Variants in GFRA3 observed in about 807,000 individuals in gnomAD.
GFRA3 encodes the protein GDNF family receptor alpha-3.
GFRA3 carries 24 observed loss-of-function variants against 40.0 expected under a neutral mutation model. The ratio of observed to expected loss-of-function variants is 0.60; its 90% CI spans 0.43 to 0.84. GFRA3 has a LOEUF of 0.84. GFRA3 is among the 40% of genes least tolerant of loss of function. GFRA3 has a pLI of 0.00. For missense variants in GFRA3, 405 were observed against 530.6 expected, an observed-to-expected ratio of 0.76 and a Z score of 2.33; for synonymous variants, 203 against 213.5, an observed-to-expected ratio of 0.95 and a Z score of 0.43.
rs573622146 is a variant in GFRA3, at chr5:138,264,213, C to T, written c.379+48G>A. ...TCCTGCAGGATTAAAAAACAACCCC[C>T]AAGAGCCATCTTCCCCAGCTTAGTC... is the stretch of plus-strand genomic sequence containing the variant. On this transcript the variant is annotated intron_variant, in intron 2 of 7. Transcript: ENST00000274721. 9.7e-6 allele frequency: 14 copies of T among 1,449,316 alleles called. No individual in the cohort carries two copies. In the South Asian group the frequency reaches 1.8e-4, roughly 19 times the overall value. 89.8% of individuals were successfully genotyped at this position (1,449,316 alleles called of 1,614,324 possible).
At chr5:138,273,200 C>G (rs1255205650) in intron 1 of GFRA3, among the ~76,000 whole-genome samples, 1 of 152,114 alleles carries the variant, frequency 6.6e-6, no homozygotes, top group African/African-American at 2.4e-5. Context: ...TATTTTCCAC[C>G]CCCAAAGCCC....
At position 138,274,408 on chromosome 5, in the gene GFRA3, T is replaced by C; in HGVS notation, c.17A>G (p.Asn6Ser). The C allele has an allele frequency of 7.6e-7, 1 of 1,312,830 alleles. No individual in the cohort carries two copies. The highest frequency in any genetic ancestry group is 9.7e-7 in the Non-Finnish European group (1 of 1,026,252). 81.3% of individuals were successfully genotyped at this position (1,312,830 alleles called of 1,614,324 possible). The stretch of plus-strand genomic sequence containing the variant: ...GACTACGGGCGGCAGCGGTCGCGGG[T>C]TCAGGGGGCGCACCATGGCGAGCTG... The part of the protein sequence containing the change: MVRPL[N>S]PRPLPPVVLM... Residue 6 changes from asparagine (N) to serine (S), a missense_variant, in exon 1 of 8, where the codon AAC (asparagine) becomes AGC (serine). Asn to Ser is a conservative substitution (Grantham distance 46, BLOSUM62 1). Transcript: ENST00000274721.
At chr5:138,259,228 T>C (rs989524297) in intron 3 of GFRA3, among the ~76,000 whole-genome samples, 2 of 152,218 alleles carry the variant, frequency 1.3e-5, no homozygotes, top group African/African-American at 4.8e-5. Context: ...CTGCCTTGAA[T>C]GCAAGTAAAT....
At chr5:138,271,915 G>GTGTGTGTGTA (rs1755879884) in intron 1 of GFRA3, among the ~76,000 whole-genome samples, 1 of 57,516 alleles carries the variant, frequency 1.7e-5, no homozygotes, top group Non-Finnish European at 3.1e-5. Flanking sequence ...TTTTTTTTTT[G>GTGTGTGTGTA]TGTGTGTGTG....
chr5:138,253,910 G>A lies in GFRA3; in HGVS notation c.890-10C>T, dbSNP rs1755588046. 2.5e-6 allele frequency: 4 copies of A among 1,612,446 alleles called. No individual in the cohort carries two copies. Among genetic ancestry groups the A allele is most frequent in the African/African-American group, 2.7e-5 (2 of 74,908 alleles). ...GGGGTCATGGCAGTCCCTGTGAAGA[G>A]GGAAAGGGTAGTCAAGGCCTAGGCT... On this transcript the variant is annotated splice_polypyrimidine_tract_variant and intron_variant, in intron 5 of 7. Transcript: ENST00000274721.
rs141935883 is a variant in GFRA3, at chr5:138,272,642, CA to C, written c.91+1691del. Reference sequence around the variant, plus strand: ...TGGGTGACAGATTGATACCCTGTCTCAAAAAAAAAATCAGATTTCAAATAAA... The same window carrying C: ...TGGGTGACAGATTGATACCCTGTCTCAAAAAAAAATCAGATTTCAAATAAA... On this transcript the variant is annotated intron_variant, in intron 1 of 7. Transcript: ENST00000274721. Among the ~76,000 whole-genome samples, 192 of 148,006 alleles carry C rather than the reference CA, an allele frequency of 1.3e-3. 2 individuals carry two copies. The highest frequency in any genetic ancestry group is 3.1e-3 in the Admixed American group (46 of 14,720).
At position 138,253,894 on chromosome 5, in the gene GFRA3, G is replaced by T; in HGVS notation, c.896C>A (p.Ala299Asp). 6.2e-7 allele frequency: 1 copy of T among 1,613,696 alleles called. No individual in the cohort carries two copies. Among genetic ancestry groups the T allele is most frequent in the Admixed American group, 1.7e-5 (1 of 59,980 alleles). Residue 299 changes from alanine to aspartate, a missense_variant, in exon 6 of 8, where the codon GCC becomes GAC. Transcript: ENST00000274721. ...ATTGCTGACAAAGTTGGGGGTCATGGCAGTCCCTGTGAAGAGGGAAAGGGT... is the reference window on the plus strand; with the variant it reads ...ATTGCTGACAAAGTTGGGGGTCATGTCAGTCCCTGTGAAGAGGGAAAGGGT... ...LRAYLGLIGT[A>D]MTPNFVSNVN...
intron 3 of GFRA3, 45 bp downstream of exon 3, chr5:138,259,512 G>A: frequency 1.2e-6 from 1 of 866,390 alleles, no homozygotes; most frequent in South Asian, 1.3e-5. Context: ...TTCCTCCAGG[G>A]TCCAGCCCCA....
Position 138,256,537 on chromosome 5 carries a change from A to G in GFRA3, c.785+1102T>C, listed in dbSNP as rs1157439672. ...AGAGAGACTCCATCTCAAAAAAAAC[A>G]AACAAAAAAAAACAAACAAAAAAAA... On this transcript the variant is annotated intron_variant, in intron 4 of 7. Transcript: ENST00000274721. Among the ~76,000 whole-genome samples, 6 of 145,096 alleles carry G rather than the reference A, an allele frequency of 4.1e-5. No individual in the cohort carries two copies. The East Asian group carries it at 1.2e-3, about 29-fold the overall frequency.
intron 1 of GFRA3, among the ~76,000 whole-genome samples, chr5:138,269,553 A>G (rs937870656): frequency 6.7e-6 from 1 of 150,370 alleles, no homozygotes; most frequent in Non-Finnish European, 1.5e-5. Context: ...AAAAAAACAA[A>G]AAACAACAAG....
chr5:138,271,742 C>A (rs1755871529), intron 1 of GFRA3, among the ~76,000 whole-genome samples: 1 of 148,808 alleles, frequency 6.7e-6, no homozygotes, highest in Non-Finnish European at 1.5e-5. Flanking sequence ...CCACGCCCAG[C>A]TAATTTTGTA....
At chr5:138,259,714 A>G in intron 2 of GFRA3, 65 bp from the exon 3 acceptor site, 2 of 794,980 alleles carry the variant, frequency 2.5e-6, no homozygotes, top group South Asian at 2.7e-5. Context: ...GAGGGGCTGA[A>G]GCTGCTGGCT....
chr5:138,270,565 C>A (rs886505809), intron 1 of GFRA3, among the ~76,000 whole-genome samples: 1 of 143,560 alleles, frequency 7.0e-6, no homozygotes. Flanking sequence ...TGGGGGGAAG[C>A]GTGGGGGAGG....
chr5:138,268,471 CA>C (rs1034801710), intron 1 of GFRA3, among the ~76,000 whole-genome samples: 5 of 148,448 alleles, frequency 3.4e-5, no homozygotes, highest in Admixed American at 2.0e-4. Context: ...TTTTGCACAG[CA>C]AAAGGAACAG....
At chr5:138,259,076 G>A (rs1428334007) in intron 3 of GFRA3, among the ~76,000 whole-genome samples, 1 of 152,012 alleles carries the variant, frequency 6.6e-6, no homozygotes, top group African/African-American at 2.4e-5. Context: ...CACAGTCCTT[G>A]CCAGACTGAT....
intron 2 of GFRA3, among the ~76,000 whole-genome samples, chr5:138,261,707 A>AAG (rs1755713207): frequency 1.3e-5 from 2 of 151,032 alleles, no homozygotes; most frequent in Non-Finnish European, 3.0e-5. Context: ...AAAAAAAAAA[A>AAG]AAAAAAAAAA....
chr5:138,273,060 A>G (rs1304290082), intron 1 of GFRA3, among the ~76,000 whole-genome samples: 2 of 152,182 alleles, frequency 1.3e-5, no homozygotes, highest in Admixed American at 1.3e-4. Context: ...GCAAGTCAAG[A>G]CCGAGTCAAG....
intron 1 of GFRA3, among the ~76,000 whole-genome samples, chr5:138,272,030 G>T (rs1313272714): frequency 7.9e-6 from 1 of 126,832 alleles, no homozygotes; most frequent in African/African-American, 3.4e-5. Flanking sequence ...TTTTGAGACG[G>T]AGTCTCGCTC....
Position 138,257,796 on chromosome 5 carries a change from G to A in GFRA3, c.628C>T (p.Pro210Ser). The A allele has an allele frequency of 1.2e-6, 2 of 1,613,076 alleles. No homozygotes were observed. Among genetic ancestry groups the A allele is most frequent in the Non-Finnish European group, 1.7e-6 (2 of 1,179,600 alleles). ...LLTFFEKAAE[P>S]HAQGLLLCPC... ...CACAGTAGCAGGCCCTGCGCGTGGG[G>A]CTCGGCGGCCTTCTCGAAGAAAGTG... Residue 210 changes from proline (P) to serine (S), a missense_variant, in exon 4 of 8, where the codon CCC becomes TCC. Physicochemically the swap from Pro to Ser is moderately conservative, Grantham distance 74. Transcript: ENST00000274721.
Sources: allele counts gnomAD v4.1 joint callset (sites outside exome capture counted in the v4.1 genomes callset), GRCh38; gene constraint gnomAD v4.1.1; transcripts MANE v1.5; gene names NCBI Gene and HGNC (gene_info 2026-07-23, HGNC 2026-07-21).